The following TSPAN14 variants were observed in gnomAD, a reference collection of about 807,000 sequenced individuals.
TSPAN14 encodes tetraspanin-14.
A neutral mutation model predicts 36.6 loss-of-function variants in TSPAN14; 16 were observed. The observed-to-expected ratio is 0.44, with a 90% CI of 0.30 to 0.66. The LOEUF (loss-of-function observed/expected upper bound fraction) is 0.66, where lower values mean the gene tolerates loss of function less well. Among genes scored for constraint, TSPAN14 ranks in the 30% least tolerant of loss-of-function variants. The probability of loss-of-function intolerance (pLI) is 0.12; values close to 1 mark genes in which losing one functional copy is unlikely to be tolerated. For missense variants in TSPAN14, 231 were observed against 355.1 expected (o/e 0.65, Z 2.81); for synonymous variants, 139 against 143.8 (o/e 0.97, Z 0.24).
At chr10:80,505,334 G>T (rs1840228139) in intron 3 of TSPAN14, among the ~76,000 whole-genome samples, 1 of 152,162 alleles carries the variant, frequency 6.6e-6, no homozygotes, top group Non-Finnish European at 1.5e-5. Context: ...CCAGGAAGGG[G>T]ATGAGACTGG....
intron 4 of TSPAN14, 64 bp downstream of exon 4, chr10:80,507,438 A>T (rs1222741199): frequency 1.2e-6 from 2 of 1,607,662 alleles, no homozygotes; most frequent in Admixed American, 1.7e-5. Context: ...GCTGGGCAGG[A>T]TTATATGTTA....
At chr10:80,512,070 T>C (rs1447694259) in intron 5 of TSPAN14, 74 bp from the exon 6 acceptor site, 1 of 1,596,066 alleles carries the variant, frequency 6.3e-7, no homozygotes, top group Admixed American at 1.7e-5. Context: ...GGCATCACTA[T>C]GAATGATGCC....
intron 1 of TSPAN14, among the ~76,000 whole-genome samples, chr10:80,461,472 C>T (rs560096267): frequency 5.9e-5 from 9 of 152,024 alleles, no homozygotes; most frequent in Non-Finnish European, 1.3e-4. Flanking sequence ...ATGGTATAAA[C>T]GTGGATAGGT....
intron 2 of TSPAN14, among the ~76,000 whole-genome samples, chr10:80,493,878 C>T (rs1414349810): frequency 6.6e-6 from 1 of 152,176 alleles, no homozygotes; most frequent in Non-Finnish European, 1.5e-5. Context: ...TTTATACCCC[C>T]CACTGGTTCC....
chr10:80,516,417 G>T (rs546540522), intron 8 of TSPAN14, 94 bp downstream of exon 8: 508 of 1,554,794 alleles, frequency 3.3e-4, no homozygotes, highest in Non-Finnish European at 4.3e-4. Context: ...TTTGGGTATG[G>T]TATTAAGGAA....
intron 1 of TSPAN14, among the ~76,000 whole-genome samples, chr10:80,459,921 G>T (rs567322559): frequency 6.6e-6 from 1 of 152,268 alleles, no homozygotes; most frequent in East Asian, 1.9e-4. Flanking sequence ...GGCAGACAGG[G>T]TCTTTTTCTG....
chr10:80,472,650 C>G (rs558109031), intron 1 of TSPAN14, among the ~76,000 whole-genome samples: 233 of 152,310 alleles, frequency 1.5e-3, no homozygotes, highest in African/African-American at 5.1e-3. Context: ...CTACATTTAT[C>G]ATTTAACTAT....
chr10:80,481,161 C>T (rs1354730743), intron 1 of TSPAN14, among the ~76,000 whole-genome samples: 1 of 151,940 alleles, frequency 6.6e-6, no homozygotes, highest in Admixed American at 6.6e-5. Context: ...ATGTGAAAAA[C>T]TTGCCTTTCA....
rs1026598473 is a variant in TSPAN14 at position 80,504,882 on chromosome 10, T to C, written c.132+104T>C. 8 of 1,233,376 alleles carry C rather than the reference T, an allele frequency of 6.5e-6. No homozygotes were observed. The African/African-American group carries it at 1.0e-4, about 16-fold the overall frequency. The allele number at this position is 1,233,376 out of a possible 1,614,324, so 76.4% of individuals were successfully genotyped here. On this transcript the variant is annotated intron_variant, in intron 3 of 8. Transcript: ENST00000429989. ...TCTGTTCCCTGACAACAAGCATTTC[T>C]TGTGCAGTGTCAAGGTGTATAATTG...
At chr10:80,492,574 T>C (rs1847976645) in intron 2 of TSPAN14, among the ~76,000 whole-genome samples, 1 of 152,216 alleles carries the variant, frequency 6.6e-6, no homozygotes, top group South Asian at 2.1e-4. Context: ...CCCAGCACTT[T>C]GGGAGGCCGA....
At chr10:80,489,098 C>CCAGTAAAGGGT (rs1290873750) in intron 1 of TSPAN14, 119 bp from the exon 2 acceptor site, 1 of 664,410 alleles carries the variant, frequency 1.5e-6, no homozygotes, top group African/African-American at 1.8e-5. Context: ...TCTGCTTGGA[C>CCAGTAAAGGGT]CAGTAAAGGG....
In TSPAN14 at chr10:80,519,797, A is replaced by G. The variant is rs147698551; in HGVS notation, c.*1821A>G. On this transcript the variant is annotated 3_prime_UTR_variant, in exon 9 of 9. Coordinates refer to ENST00000429989, the Ensembl canonical transcript of TSPAN14. ...GCACAATCTGACTTACATTTCATTG[A>G]GTAATTTTTTTTTTTTTTAAGATTC... 317 of 151,614 alleles carry G rather than the reference A, an allele frequency of 2.1e-3. 3 individuals carry two copies. The highest frequency in any genetic ancestry group is 7.3e-3 in the African/African-American group (300 of 41,226). 9.4% of individuals were successfully genotyped at this position (151,614 alleles called of 1,614,324 possible).
chr10:80,501,802 G>T (rs1042225942), intron 2 of TSPAN14, among the ~76,000 whole-genome samples: 2 of 152,210 alleles, frequency 1.3e-5, no homozygotes, highest in African/African-American at 4.8e-5. Context: ...AAGTGTGCCT[G>T]GGGGTAGCTA....
At chr10:80,488,640 A>G (rs1042798935) in intron 1 of TSPAN14, among the ~76,000 whole-genome samples, 5 of 152,124 alleles carry the variant, frequency 3.3e-5, no homozygotes, top group African/African-American at 1.2e-4. Context: ...TGTTGCATGA[A>G]TGAGTATGGA....
chr10:80,467,452 C>T (rs926826384), intron 1 of TSPAN14, among the ~76,000 whole-genome samples: 1 of 152,104 alleles, frequency 6.6e-6, no homozygotes. Context: ...ACTGGGTGAC[C>T]TTGGTGGGTC....
intron 1 of TSPAN14, among the ~76,000 whole-genome samples, chr10:80,487,383 A>G (rs2343308): frequency 0.58 from 87,480 of 151,828 alleles, 25,395 homozygotes; most frequent in East Asian, 0.83. Context: ...CCTTCTTACC[A>G]GAACCTTGTG....
intron 1 of TSPAN14, among the ~76,000 whole-genome samples, chr10:80,473,948 A>G (rs963242935): frequency 1.3e-5 from 2 of 151,784 alleles, no homozygotes; most frequent in African/African-American, 2.4e-5. Context: ...TGCCTTAGTG[A>G]TTCTCTCTCC....
chr10:80,488,146 G>T lies in TSPAN14; in HGVS notation c.-17-1071G>T, dbSNP rs75606897. ...CACCTGGGAAGTGGGGGGTGAGCAG[G>T]GGGCTGGCATGGGACCACTGCCCTA... On this transcript the variant is annotated intron_variant, in intron 1 of 8. Transcript: ENST00000429989. Among the ~76,000 whole-genome samples, 718 of 152,236 alleles carry T rather than the reference G, an allele frequency of 4.7e-3. 2 individuals carry two copies. Among genetic ancestry groups the T allele is most frequent in the Non-Finnish European group, 8.1e-3 (553 of 67,998 alleles).
intron 5 of TSPAN14, among the ~76,000 whole-genome samples, chr10:80,511,117 G>T (rs1447390330): frequency 6.6e-6 from 1 of 152,198 alleles, no homozygotes; most frequent in African/African-American, 2.4e-5. Flanking sequence ...AAGGGCAAAT[G>T]CAAAGAAGTT....
Sources: allele counts gnomAD v4.1 joint callset (sites outside exome capture counted in the v4.1 genomes callset), GRCh38; gene constraint gnomAD v4.1.1; transcripts MANE v1.5; gene names NCBI Gene and HGNC (gene_info 2026-07-23, HGNC 2026-07-21).